SYNJ2BP: variants seen among roughly 807,000 people sequenced by gnomAD.
The protein encoded by SYNJ2BP is synaptojanin 2 binding protein.
Under a neutral mutation model 16.9 loss-of-function variants are expected in SYNJ2BP, and 10 were observed. That is an observed-to-expected ratio of 0.59 (90% CI 0.36 to 1.00). SYNJ2BP has a LOEUF of 1.00. Ranked by LOEUF, SYNJ2BP falls within the 50% of genes least tolerant of loss-of-function variation. The probability of loss-of-function intolerance (pLI) is 0.01; values close to 1 mark genes in which losing one functional copy is unlikely to be tolerated. For synonymous variants in SYNJ2BP, 54 were observed against 68.4 expected, an observed-to-expected ratio of 0.79 and a Z score of 1.04; for missense variants, 162 against 186.7, an observed-to-expected ratio of 0.87 and a Z score of 0.77.
intron 1 of SYNJ2BP, among the ~76,000 whole-genome samples, chr14:70,413,675 C>T (rs1248872055): frequency 6.6e-6 from 1 of 152,200 alleles, no homozygotes; most frequent in Admixed American, 6.5e-5. Flanking sequence ...TGTACTTTTG[C>T]ACCAACCTAA....
At chr14:70,376,712 T>C (rs142630915) in intron 2 of SYNJ2BP, among the ~76,000 whole-genome samples, 1 of 152,360 alleles carries the variant, frequency 6.6e-6, no homozygotes, top group African/African-American at 2.4e-5. Flanking sequence ...TTTCCACAGA[T>C]AAAGAAACTT....
At position 70,369,917 on chromosome 14, in the gene SYNJ2BP, A is replaced by G. The variant is rs1232763916; in HGVS notation, c.*3074T>C. The G allele has an allele frequency of 6.6e-6, 1 of 152,244 alleles. No individual in the cohort carries two copies. The highest frequency in any genetic ancestry group is 2.4e-5 in the African/African-American group (1 of 41,456). The allele number at this position is 152,244 out of a possible 1,614,324, so 9.4% of individuals were successfully genotyped here. On this transcript the variant is annotated 3_prime_UTR_variant, in exon 4 of 4. Transcript: ENST00000256366. ...GTAGTAGGAACATTAGATGCAATCT[A>G]TAGAAGAAATATTAGACTCAATCTA...
At chr14:70,379,461 T>C (rs761277305) in intron 2 of SYNJ2BP, among the ~76,000 whole-genome samples, 9 of 152,242 alleles carry the variant, frequency 5.9e-5, no homozygotes, top group African/African-American at 1.9e-4. Flanking sequence ...TTTACCTTTA[T>C]ACCTGTGCTC....
intron 3 of SYNJ2BP, among the ~76,000 whole-genome samples, chr14:70,375,182 TTC>T (rs1887599061): frequency 6.7e-6 from 1 of 149,312 alleles, no homozygotes; most frequent in Non-Finnish European, 1.5e-5. Context: ...TGTTGTGAAT[TTC>T]TCTTTTTTTT....
intron 1 of SYNJ2BP, among the ~76,000 whole-genome samples, chr14:70,397,518 G>T (rs542760051): frequency 6.6e-6 from 1 of 152,328 alleles, no homozygotes; most frequent in African/African-American, 2.4e-5. Flanking sequence ...CTGTGTGGCT[G>T]CTGCAGCAGG....
Position 70,375,687 on chromosome 14 carries a change from C to T in SYNJ2BP, c.286G>A (p.Val96Met). The T allele has an allele frequency of 6.2e-7, 1 of 1,613,820 alleles. No homozygotes were observed. Among genetic ancestry groups the T allele is most frequent in the Non-Finnish European group, 8.5e-7 (1 of 1,179,870 alleles). The part of the protein sequence containing the change: ...RNAGYAVSLR[V>M]QHRLQVQNGP... ...AAAGTGATACCTACCCTGTGCTGCA[C>T]TCTCAGAGACACAGCATAGCCTGCA... Residue 96 changes from valine to methionine, a missense_variant, in exon 3 of 4, where the codon GTG becomes ATG. Val to Met is a conservative substitution (Grantham distance 21, BLOSUM62 1). Coordinates refer to ENST00000256366, the MANE Select transcript of SYNJ2BP (RefSeq NM_018373.3).
intron 2 of SYNJ2BP, among the ~76,000 whole-genome samples, chr14:70,385,093 A>G (rs947837641): frequency 1.3e-5 from 2 of 152,124 alleles, no homozygotes; most frequent in African/African-American, 4.8e-5. Flanking sequence ...ATATTTTGGT[A>G]AAGTAAAATC....
chr14:70,376,502 T>A (rs1160414211), intron 2 of SYNJ2BP, among the ~76,000 whole-genome samples: 3 of 152,230 alleles, frequency 2.0e-5, no homozygotes, highest in Non-Finnish European at 4.4e-5. Context: ...ATAATCTATC[T>A]ATCCTATGCT....
intron 1 of SYNJ2BP, among the ~76,000 whole-genome samples, chr14:70,393,114 G>GA (rs1888014451): frequency 6.6e-6 from 1 of 151,884 alleles, no homozygotes; most frequent in Non-Finnish European, 1.5e-5. Flanking sequence ...AATTTACAAG[G>GA]AAAAAACAAA....
intron 2 of SYNJ2BP, among the ~76,000 whole-genome samples, chr14:70,384,846 G>A (rs1234958086): frequency 6.6e-6 from 1 of 152,080 alleles, no homozygotes; most frequent in Non-Finnish European, 1.5e-5. Context: ...GTGGAACTGT[G>A]AGTCAGTTAA....
intron 2 of SYNJ2BP, among the ~76,000 whole-genome samples, chr14:70,379,022 T>TTTTCCCCC (rs1887692593): frequency 6.6e-6 from 1 of 151,874 alleles, no homozygotes; most frequent in Admixed American, 6.6e-5. Context: ...TTCAGCCTAC[T>TTTTCCCCC]TTAAATATTA....
At chr14:70,407,900 G>A (rs1026126842) in intron 1 of SYNJ2BP, among the ~76,000 whole-genome samples, 7 of 152,000 alleles carry the variant, frequency 4.6e-5, no homozygotes, top group African/African-American at 1.2e-4. Flanking sequence ...TGCAATATTC[G>A]TTCCTAGAAG....
intron 2 of SYNJ2BP, among the ~76,000 whole-genome samples, chr14:70,387,914 GTCT>G (rs146482621): frequency 0.052 from 7,952 of 151,784 alleles, 276 homozygotes; most frequent in Middle Eastern, 0.11. Flanking sequence ...CATGTAGTAT[GTCT>G]TCGTAGAGAC....
intron 1 of SYNJ2BP, 52 bp downstream of exon 1, chr14:70,416,848 C>A (rs1195819210): frequency 1.9e-6 from 3 of 1,612,368 alleles, no homozygotes; most frequent in Non-Finnish European, 2.5e-6. Flanking sequence ...GAGGTGTCTG[C>A]AATTACACCC....
intron 2 of SYNJ2BP, among the ~76,000 whole-genome samples, chr14:70,380,321 T>TA (rs1481625772): frequency 6.6e-6 from 1 of 152,206 alleles, no homozygotes; most frequent in African/African-American, 2.4e-5. Context: ...ATTAAATTTT[T>TA]ATTGGTTTTG....
chr14:70,414,059 T>TCA (rs1174335453), intron 1 of SYNJ2BP, among the ~76,000 whole-genome samples: 1 of 152,208 alleles, frequency 6.6e-6, no homozygotes, highest in Non-Finnish European at 1.5e-5. Flanking sequence ...TAGTGGTATT[T>TCA]TGAGACAGTC....
Position 70,397,711 on chromosome 14 carries a change from A to G in SYNJ2BP, c.65-9105T>C, listed in dbSNP as rs566630913. On this transcript the variant is annotated intron_variant, in intron 1 of 3. Transcript: ENST00000256366. ...CAGGGAGCTCCCAGGTCTCAGATAC[A>G]TGAAGGGTTGCAGCTCTTCTCTCTT... Among the ~76,000 whole-genome samples, 5 of 152,360 alleles carry G rather than the reference A, an allele frequency of 3.3e-5. No individual in the cohort carries two copies. The East Asian group carries it at 9.6e-4, about 29-fold the overall frequency.
rs1490742779 is a variant in SYNJ2BP, at chr14:70,372,730, A to G, written c.*261T>C. 2.7e-6 allele frequency: 1 copy of G among 364,976 alleles called. No individual in the cohort carries two copies. Among genetic ancestry groups the G allele is most frequent in the African/African-American group, 2.1e-5 (1 of 47,564 alleles). 22.6% of individuals were successfully genotyped at this position (364,976 alleles called of 1,614,324 possible). On this transcript the variant is annotated 3_prime_UTR_variant, in exon 4 of 4. Transcript: ENST00000256366. ...CTTTCTCTCTTTGGGTTGTAGCTGAATTTCTATCAAAAGTCCTAGTAAAAT... is the reference window on the plus strand; with the variant it reads ...CTTTCTCTCTTTGGGTTGTAGCTGAGTTTCTATCAAAAGTCCTAGTAAAAT...
At chr14:70,404,347 GTCTAACTTTTAAAAATGAA>G (rs1888303550) in intron 1 of SYNJ2BP, among the ~76,000 whole-genome samples, 1 of 152,020 alleles carries the variant, frequency 6.6e-6, no homozygotes, top group Admixed American at 6.6e-5. Context: ...ATCTATACAA[GTCTAACTTTTAAAAATGAA>G]TAAATTAAAT....
Sources: gnomAD v4.1 joint callset for allele counts (sites outside exome capture counted in the v4.1 genomes callset) on GRCh38, gnomAD v4.1.1 for gene constraint, MANE v1.5 for transcripts, NCBI Gene and HGNC (gene_info 2026-07-23, HGNC 2026-07-21) for gene names.